CTBP2: variants seen among roughly 807,000 people sequenced by gnomAD.
CTBP2 encodes the protein C-terminal-binding protein 2.
In CTBP2, 30 loss-of-function variants were observed where a neutral mutation model predicts 80.3. That is an observed-to-expected ratio of 0.37 (90% CI 0.28 to 0.51). The LOEUF (loss-of-function observed/expected upper bound fraction) is 0.51. Among genes scored for constraint, CTBP2 ranks in the 20% least tolerant of loss-of-function variants. The pLI is 0.93. For synonymous variants in CTBP2, 594 were observed against 587.4 expected (o/e 1.01, Z -0.16); for missense variants, 1,212 against 1,375.3 (o/e 0.88, Z 1.88).
chr10:125,062,886 A>G (rs994286865), intron 2 of CTBP2, among the ~76,000 whole-genome samples: 1 of 152,192 alleles, frequency 6.6e-6, no homozygotes, highest in African/African-American at 2.4e-5. Context: ...TAAAAAATAA[A>G]CCACTGAGGG....
chr10:125,123,881 G>A (rs1422735101), intron 1 of CTBP2, among the ~76,000 whole-genome samples: 1 of 152,218 alleles, frequency 6.6e-6, no homozygotes, highest in East Asian at 1.9e-4. Flanking sequence ...CAGAGGGCAC[G>A]TTCCCTGACA....
chr10:125,068,788 G>A (rs1031263605), intron 2 of CTBP2, among the ~76,000 whole-genome samples: 1 of 152,150 alleles, frequency 6.6e-6, no homozygotes, highest in Non-Finnish European at 1.5e-5. Flanking sequence ...AGACCAGCAG[G>A]GCTGCAGGAG....
chr10:124,995,216 G>A (rs1433134556), intron 4 of CTBP2, among the ~76,000 whole-genome samples: 3 of 152,334 alleles, frequency 2.0e-5, no homozygotes, highest in East Asian at 3.9e-4. Flanking sequence ...CTGGCCACAT[G>A]CTACTGTGTT....
intron 1 of CTBP2, among the ~76,000 whole-genome samples, chr10:125,118,302 AG>A (rs1452817829): frequency 6.6e-6 from 1 of 152,210 alleles, no homozygotes; most frequent in Non-Finnish European, 1.5e-5. Flanking sequence ...GGCTTCTAGA[AG>A]TGCCCCATCC....
At chr10:125,118,193 C>CT (rs2135998832) in intron 1 of CTBP2, among the ~76,000 whole-genome samples, 1 of 150,534 alleles carries the variant, frequency 6.6e-6, no homozygotes, top group Admixed American at 6.6e-5. Flanking sequence ...GACCATTCCC[C>CT]TGCTCTTTCA....
At chr10:125,096,323 T>C (rs895124691) in intron 2 of CTBP2, among the ~76,000 whole-genome samples, 10 of 152,082 alleles carry the variant, frequency 6.6e-5, no homozygotes, top group African/African-American at 2.2e-4. Flanking sequence ...ACCTACCCCA[T>C]GGGGAAAAAA....
At chr10:125,043,558 C>T (rs1268039584) in intron 2 of CTBP2, among the ~76,000 whole-genome samples, 1 of 152,192 alleles carries the variant, frequency 6.6e-6, no homozygotes, top group African/African-American at 2.4e-5. Flanking sequence ...TCCCTCACAG[C>T]CTCCCGAGTA....
intron 2 of CTBP2, among the ~76,000 whole-genome samples, chr10:125,071,018 T>C (rs923167681): frequency 2.0e-5 from 3 of 152,212 alleles, no homozygotes; most frequent in Admixed American, 6.5e-5. Flanking sequence ...AAAGACAAAA[T>C]GCCCCGTATG....
intron 1 of CTBP2, among the ~76,000 whole-genome samples, chr10:125,009,091 G>A (rs114434243): frequency 8.9e-4 from 135 of 152,346 alleles, no homozygotes; most frequent in African/African-American, 2.9e-3. Context: ...TAGGGTGGAC[G>A]TGTCAGGTTA....
chr10:125,093,986 G>C (rs1172186227), intron 2 of CTBP2, among the ~76,000 whole-genome samples: 55 of 152,216 alleles, frequency 3.6e-4, no homozygotes, highest in Admixed American at 3.5e-3. Context: ...GCAAGGCAAA[G>C]ACACTGCTGC....
At chr10:125,106,198 C>T (rs1851423409) in intron 2 of CTBP2, among the ~76,000 whole-genome samples, 1 of 151,942 alleles carries the variant, frequency 6.6e-6, no homozygotes, top group Admixed American at 6.5e-5. Flanking sequence ...CGGAAAGATG[C>T]ACCCCATGTG....
chr10:125,032,062 AAAAC>A (rs1958294297), upstream of CTBP2, among the ~76,000 whole-genome samples: 1 of 152,266 alleles, frequency 6.6e-6, no homozygotes, highest in African/African-American at 2.4e-5. Flanking sequence ...AAGAAAAAAA[AAAAC>A]AAGCCCATTC....
chr10:125,149,403 G>A (rs1859402497), intron 1 of CTBP2, among the ~76,000 whole-genome samples: 1 of 152,094 alleles, frequency 6.6e-6, no homozygotes, highest in South Asian at 2.1e-4. Flanking sequence ...AAAACTGCAG[G>A]GGGCACTTAA....
intron 2 of CTBP2, among the ~76,000 whole-genome samples, chr10:125,097,507 G>A (rs1378014092): frequency 6.6e-6 from 1 of 152,094 alleles, no homozygotes. Flanking sequence ...CCAACCCAAG[G>A]AAGCCAGCGC....
chr10:125,133,878 T>C lies in CTBP2; in HGVS notation c.-205-22785A>G, dbSNP rs913433064. ...CCTCATTCCTATTCAGCCGACCATG[T>C]GGAAAACTACAACTGACTTCTGAAT... is the stretch of plus-strand genomic sequence containing the variant. On this transcript the variant is annotated intron_variant, in intron 1 of 10. Coordinates refer to the CTBP2 transcript ENST00000337195. Among the ~76,000 whole-genome samples the C allele has an allele frequency of 6.2e-4, 94 of 152,202 alleles. 5 individuals carry two copies. Among genetic ancestry groups the C allele is most frequent in the Non-Finnish European group, 2.9e-5 (2 of 68,030 alleles).
chr10:125,118,156 G>A (rs937152209), intron 1 of CTBP2, among the ~76,000 whole-genome samples: 11 of 152,208 alleles, frequency 7.2e-5, no homozygotes, highest in African/African-American at 2.4e-4. Context: ...TGTTTCCAGT[G>A]TTGTCTCAGA....
intron 1 of CTBP2, among the ~76,000 whole-genome samples, chr10:125,134,174 C>T (rs1856610412): frequency 6.6e-6 from 1 of 152,214 alleles, no homozygotes; most frequent in Non-Finnish European, 1.5e-5. Flanking sequence ...CCAGATTTAA[C>T]AAGCCCATCA....
chr10:125,055,994 G>A (rs7097579), intron 2 of CTBP2, among the ~76,000 whole-genome samples: 127 of 152,006 alleles, frequency 8.4e-4, no homozygotes, highest in African/African-American at 2.9e-3. Flanking sequence ...GTGAAACCCC[G>A]TGTGTACTAA....
Position 125,005,431 on chromosome 10 carries a change from C to A in CTBP2, c.1679-1939G>T, listed in dbSNP as rs1955106435. 3.9e-6 allele frequency: 4 copies of A among 1,021,964 alleles called. No individual in the cohort carries two copies. The Admixed American group carries it at 1.0e-4, about 26-fold the overall frequency. The allele number at this position is 1,021,964 out of a possible 1,614,324, so 63.3% of individuals were successfully genotyped here. ...CCTGCTGCTGCCCCGACACCCAGGT[C>A]CCCAAACAGGGTGTCCGCATGGATC... On this transcript the variant is annotated intron_variant, in intron 1 of 8. Transcript: ENST00000309035.
Sources: gnomAD v4.1 joint callset for allele counts (sites outside exome capture counted in the v4.1 genomes callset) on GRCh38, gnomAD v4.1.1 for gene constraint, MANE v1.5 for transcripts, NCBI Gene and HGNC (gene_info 2026-07-23, HGNC 2026-07-21) for gene names.